The following RIT2 variants were observed in gnomAD, a reference collection of about 807,000 sequenced individuals.
RIT2 encodes Ras like without CAAX 2.
RIT2 carries 24 observed loss-of-function variants against 23.7 expected under a neutral mutation model. The observed-to-expected ratio is 1.01, with a 90% CI of 0.73 to 1.43. The LOEUF (loss-of-function observed/expected upper bound fraction) is 1.43. RIT2 is among the 40% of genes most tolerant of loss of function. The pLI, the probability that RIT2 is intolerant of heterozygous loss-of-function variation, is 0.00. For missense variants in RIT2, 236 were observed against 266.9 expected (o/e 0.88, Z 0.81); for synonymous variants, 107 against 91.1 (o/e 1.17, Z -0.99).
At chr18:43,099,379 T>C (rs973946533) in intron 1 of RIT2, among the ~76,000 whole-genome samples, 4 of 152,052 alleles carry the variant, frequency 2.6e-5, no homozygotes, top group Non-Finnish European at 5.9e-5. Context: ...GAACATTACA[T>C]TAAGTAACGT....
chr18:43,068,535 C>T (rs1912822526), intron 1 of RIT2, among the ~76,000 whole-genome samples: 1 of 151,930 alleles, frequency 6.6e-6, no homozygotes, highest in Non-Finnish European at 1.5e-5. Flanking sequence ...CCATAGCAAA[C>T]CAGGAGGCAT....
At chr18:43,103,955 G>A (rs993226863) in intron 1 of RIT2, among the ~76,000 whole-genome samples, 2 of 152,020 alleles carry the variant, frequency 1.3e-5, no homozygotes, top group African/African-American at 2.4e-5. Flanking sequence ...AGAAAAAGGA[G>A]TCAGTATATC....
chr18:42,986,039 TTTC>T (rs1194468325), intron 2 of RIT2, among the ~76,000 whole-genome samples: 1 of 151,318 alleles, frequency 6.6e-6, no homozygotes, highest in Non-Finnish European at 1.5e-5. Flanking sequence ...GGTTTTTTCT[TTTC>T]TTTTTTTTTT....
chr18:43,103,245 C>T (rs911798970), intron 1 of RIT2, among the ~76,000 whole-genome samples: 1 of 152,080 alleles, frequency 6.6e-6, no homozygotes, highest in Non-Finnish European at 1.5e-5. Context: ...TTTTATTTTA[C>T]TACATATGCC....
At position 43,034,408 on chromosome 18, in the gene RIT2, TTTC is replaced by T. The variant is rs1911929057; in HGVS notation, c.104-544_104-542del. Among the ~76,000 whole-genome samples the T allele has an allele frequency of 2.0e-5, 3 of 152,334 alleles. No individual in the cohort carries two copies. In the South Asian group the frequency reaches 6.2e-4, roughly 32 times the overall value. ...GCCTAATTTATGTTATCGACCACCT[TTTC>T]TTCATTACTTTTTTTCTGTAATTCT... On this transcript the variant is annotated intron_variant, in intron 1 of 4. Transcript: ENST00000326695.
chr18:42,903,457 T>C (rs1328290615), intron 4 of RIT2, among the ~76,000 whole-genome samples: 2 of 152,044 alleles, frequency 1.3e-5, no homozygotes, highest in Non-Finnish European at 2.9e-5. Context: ...TAATCAGAAA[T>C]AAAATATATA....
intron 1 of RIT2, among the ~76,000 whole-genome samples, chr18:43,098,100 G>A (rs1913597526): frequency 6.6e-6 from 1 of 151,846 alleles, no homozygotes; most frequent in African/African-American, 2.4e-5. Flanking sequence ...TCACTTTCCA[G>A]GATAAGCTCA....
chr18:42,744,179 C>A lies in RIT2; in HGVS notation c.427-459G>T, dbSNP rs1299607501. Reference sequence around the variant, plus strand: ...TACCTACCCAAATCTTATAAAATGGCCCCACCCCATCTCCCTTTGCTGACT... The same window carrying A: ...TACCTACCCAAATCTTATAAAATGGACCCACCCCATCTCCCTTTGCTGACT... On this transcript the variant is annotated intron_variant, in intron 4 of 4. Transcript: ENST00000326695. Among the ~76,000 whole-genome samples the A allele has an allele frequency of 2.0e-5, 3 of 152,066 alleles. No homozygotes were observed. In the South Asian group the frequency reaches 6.2e-4, roughly 32 times the overall value.
rs140558548 is a variant in RIT2 at position 42,925,414 on chromosome 18, T to C, written c.235-1651A>G. Among the ~76,000 whole-genome samples, 1,289 of 152,108 alleles carry C rather than the reference T, an allele frequency of 8.5e-3. 17 individuals carry two copies. Among genetic ancestry groups the C allele is most frequent in the African/African-American group, 0.029 (1,215 of 41,534 alleles). On this transcript the variant is annotated intron_variant, in intron 3 of 4. Coordinates refer to ENST00000326695, the MANE Select transcript of RIT2 (RefSeq NM_002930.4). ...TTACATTTCTTTGGAAAAGAAATTA[T>C]AAAATCATCTTAGAAATATGTTTGA...
At chr18:43,023,027 T>G (rs936415784) in intron 2 of RIT2, among the ~76,000 whole-genome samples, 1 of 152,068 alleles carries the variant, frequency 6.6e-6, no homozygotes, top group African/African-American at 2.4e-5. Flanking sequence ...ACCAATGCAG[T>G]CGTGAAAGAT....
intron 2 of RIT2, among the ~76,000 whole-genome samples, chr18:42,978,876 G>A (rs1328288611): frequency 2.0e-5 from 3 of 152,094 alleles, no homozygotes; most frequent in Non-Finnish European, 2.9e-5. Flanking sequence ...GTAAGATGGC[G>A]ATAATAGTAA....
At chr18:43,013,559 G>A (rs551874287) in intron 2 of RIT2, among the ~76,000 whole-genome samples, 11 of 151,818 alleles carry the variant, frequency 7.2e-5, no homozygotes, top group Non-Finnish European at 1.3e-4. Flanking sequence ...ATTTGGGGCC[G>A]AGATTACAGG....
chr18:42,794,522 T>C (rs1914112038), intron 4 of RIT2, among the ~76,000 whole-genome samples: 2 of 152,212 alleles, frequency 1.3e-5, no homozygotes, highest in African/African-American at 4.8e-5. Flanking sequence ...AACAGTTCTC[T>C]TGCAAAGCTA....
At chr18:43,044,987 C>T (rs914303497) in intron 1 of RIT2, among the ~76,000 whole-genome samples, 28 of 152,084 alleles carry the variant, frequency 1.8e-4, no homozygotes, top group Admixed American at 1.8e-3. Context: ...CTAAATATTA[C>T]CAGTCATTAT....
intron 4 of RIT2, among the ~76,000 whole-genome samples, chr18:42,763,431 C>T (rs1913349132): frequency 6.8e-6 from 1 of 146,702 alleles, no homozygotes; most frequent in Non-Finnish European, 1.5e-5. Flanking sequence ...CTTTGCACTC[C>T]AGCCTGGGCA....
chr18:42,856,638 C>A (rs1214641933), intron 4 of RIT2, among the ~76,000 whole-genome samples: 1 of 152,146 alleles, frequency 6.6e-6, no homozygotes, highest in Non-Finnish European at 1.5e-5. Context: ...ACTGTTCTAA[C>A]TGGATTCTGC....
chr18:42,897,072 A>G (rs1429611351), intron 4 of RIT2, among the ~76,000 whole-genome samples: 1 of 152,236 alleles, frequency 6.6e-6, no homozygotes. Flanking sequence ...CAGCCTGTCA[A>G]CCATATAATC....
intron 2 of RIT2, among the ~76,000 whole-genome samples, chr18:42,982,723 T>G (rs1382370765): frequency 6.6e-6 from 1 of 152,144 alleles, no homozygotes; most frequent in East Asian, 1.9e-4. Context: ...TAGTGTCTTT[T>G]GAGATTATTA....
intron 4 of RIT2, among the ~76,000 whole-genome samples, chr18:42,828,282 CACTT>C (rs1287145476): frequency 4.6e-5 from 7 of 152,226 alleles, no homozygotes; most frequent in South Asian, 2.1e-4. Flanking sequence ...TATTATCAAA[CACTT>C]ACATTGATCA....
Sources: gnomAD v4.1 joint callset for allele counts (sites outside exome capture counted in the v4.1 genomes callset) on GRCh38, gnomAD v4.1.1 for gene constraint, MANE v1.5 for transcripts, NCBI Gene and HGNC (gene_info 2026-07-23, HGNC 2026-07-21) for gene names.